The following GPHN variants were observed in gnomAD, a reference collection of about 807,000 sequenced individuals.
GPHN encodes the protein gephyrin.
A neutral mutation model predicts 95.5 loss-of-function variants in GPHN; 17 were observed. The observed-to-expected ratio is 0.18, with a 90% confidence interval of 0.12 to 0.27. The LOEUF is 0.27. Among genes scored for constraint, GPHN ranks in the 10% least tolerant of loss-of-function variants. The probability of loss-of-function intolerance (pLI) is 1.00; values close to 1 mark genes in which losing one functional copy is unlikely to be tolerated. For synonymous variants in GPHN, 320 were observed against 322.5 expected (o/e 0.99, Z 0.08); for missense variants, 660 against 978.1 (o/e 0.67, Z 4.34).
At chr14:66,906,013 C>A (rs1186494284) in intron 5 of GPHN, among the ~76,000 whole-genome samples, 1 of 143,224 alleles carries the variant, frequency 7.0e-6, no homozygotes, top group African/African-American at 2.6e-5. Context: ...TTTTTTACCA[C>A]TTCCCCATTT....
chr14:67,037,344 C>G (rs1462635462), intron 10 of GPHN, among the ~76,000 whole-genome samples: 1 of 151,938 alleles, frequency 6.6e-6, no homozygotes, highest in Non-Finnish European at 1.5e-5. Flanking sequence ...CTATGAAACT[C>G]ACAGAAGGAA....
chr14:67,144,265 A>ACATG (rs1271157382), intron 18 of GPHN, among the ~76,000 whole-genome samples: 1 of 96,308 alleles, frequency 1.0e-5, no homozygotes. Flanking sequence ...ATATATATAT[A>ACATG]TATATATATA....
At chr14:67,283,611 C>G in the GPHN span, among the ~76,000 whole-genome samples, 1 of 151,694 alleles carries the variant, frequency 6.6e-6, no homozygotes, top group Admixed American at 6.6e-5. Flanking sequence ...TTTTTTTTAT[C>G]TTCCTGGAAT....
chr14:66,518,981 G>C (rs575612323), intron 1 of GPHN, among the ~76,000 whole-genome samples: 1 of 151,878 alleles, frequency 6.6e-6, no homozygotes, highest in Non-Finnish European at 1.5e-5. Flanking sequence ...GGAGGATATT[G>C]AATGTTCTCA....
chr14:66,734,444 C>T (rs1490389276), intron 2 of GPHN, among the ~76,000 whole-genome samples: 1 of 152,092 alleles, frequency 6.6e-6, no homozygotes, highest in African/African-American at 2.4e-5. Context: ...CAGTTTTTTA[C>T]TTATTTGGCT....
At chr14:67,569,610 TG>T in the GPHN span, 1 of 466,200 alleles carries the variant, frequency 2.1e-6, no homozygotes, top group Non-Finnish European at 3.9e-6. Flanking sequence ...ACGAGGGCTG[TG>T]GGGTGGTCCC....
intron 2 of GPHN, among the ~76,000 whole-genome samples, chr14:66,723,982 TACATACACACAC>T (rs751509437): frequency 0.042 from 5,949 of 143,224 alleles, 162 homozygotes; most frequent in Admixed American, 0.084. Context: ...ATGTCATGCA[TACATACACACAC>T]ACACACACAC....
Position 66,803,613 on chromosome 14 carries a change from C to T in GPHN, c.202-20861C>T, listed in dbSNP as rs2060439027. 2.0e-5 allele frequency among the ~76,000 whole-genome samples: 3 copies of T among 152,154 alleles called. No homozygotes were observed. In the South Asian group the frequency reaches 6.2e-4, roughly 32 times the overall value. On this transcript the variant is annotated intron_variant, in intron 3 of 22. Transcript: ENST00000478722. ...TTATTACTTCTTCCTATTCTATCTT[C>T]TCTTTCTGGAATCCAATTATACTAT...
At chr14:67,327,951 A>C in the GPHN span, among the ~76,000 whole-genome samples, 1 of 152,182 alleles carries the variant, frequency 6.6e-6, no homozygotes, top group Non-Finnish European at 1.5e-5. Context: ...GTACGTGTGC[A>C]TGTGTCTTTA....
chr14:67,508,361 T>C, the GPHN span, among the ~76,000 whole-genome samples: 1 of 152,120 alleles, frequency 6.6e-6, no homozygotes, highest in Non-Finnish European at 1.5e-5. Flanking sequence ...TCTAGCATTA[T>C]TACCTGAAGA....
chr14:67,425,498 C>G, the GPHN span, among the ~76,000 whole-genome samples: 2 of 151,910 alleles, frequency 1.3e-5, no homozygotes, highest in African/African-American at 4.8e-5. Flanking sequence ...AGCTGAGATA[C>G]CAGCACTGCA....
chr14:66,554,986 G>C (rs558157913), intron 1 of GPHN, among the ~76,000 whole-genome samples: 1 of 152,140 alleles, frequency 6.6e-6, no homozygotes, highest in Non-Finnish European at 1.5e-5. Flanking sequence ...CAGTTGCCAT[G>C]AAGGAACCTT....
At chr14:67,052,077 C>T (rs1352490428) in intron 10 of GPHN, among the ~76,000 whole-genome samples, 1 of 152,106 alleles carries the variant, frequency 6.6e-6, no homozygotes, top group African/African-American at 2.4e-5. Context: ...AACCAGCTAG[C>T]ATCATGATGA....
chr14:66,815,547 A>G (rs940145351), intron 3 of GPHN, among the ~76,000 whole-genome samples: 3 of 152,196 alleles, frequency 2.0e-5, no homozygotes, highest in African/African-American at 4.8e-5. Flanking sequence ...CCAGAATTTC[A>G]TATCCATCCA....
chr14:66,767,442 A>G (rs1439692771), intron 2 of GPHN, among the ~76,000 whole-genome samples: 3 of 68,336 alleles, frequency 4.4e-5, no homozygotes, highest in South Asian at 4.9e-4. Flanking sequence ...TTTTGAACAG[A>G]AAAAAAAAAA....
the GPHN span, chr14:67,380,837 C>A: frequency 2.6e-6 from 2 of 757,794 alleles, no homozygotes; most frequent in Non-Finnish European, 2.0e-6. Context: ...ATGAGACTTA[C>A]CAAAGAATAT....
At chr14:67,302,131 C>G in the GPHN span, 8 of 1,583,760 alleles carry the variant, frequency 5.1e-6, no homozygotes, top group African/African-American at 5.5e-5. Flanking sequence ...AAGTGTCCCA[C>G]ATACTGTTTT....
chr14:67,052,190 C>A (rs1417213040), intron 10 of GPHN, among the ~76,000 whole-genome samples: 1 of 152,150 alleles, frequency 6.6e-6, no homozygotes, highest in Non-Finnish European at 1.5e-5. Context: ...CAAGACCCAT[C>A]AATGTGCTGT....
intron 9 of GPHN, among the ~76,000 whole-genome samples, chr14:66,996,772 A>G (rs2071831600): frequency 6.6e-6 from 1 of 152,114 alleles, no homozygotes; most frequent in Non-Finnish European, 1.5e-5. Context: ...ATTTTTTGCT[A>G]CTTATATTTT....
Sources: allele counts gnomAD v4.1 joint callset (sites outside exome capture counted in the v4.1 genomes callset), GRCh38; gene constraint gnomAD v4.1.1; transcripts MANE v1.5; gene names NCBI Gene and HGNC (gene_info 2026-07-23, HGNC 2026-07-21).